The following TMPRSS2 variants were observed in gnomAD, a reference collection of about 807,000 sequenced individuals.
TMPRSS2 encodes the protein transmembrane serine protease 2.
A neutral mutation model predicts 67.4 loss-of-function variants in TMPRSS2; 59 were observed. That is an observed-to-expected ratio of 0.88 (90% CI 0.71 to 1.09). The LOEUF (loss-of-function observed/expected upper bound fraction) is 1.09. TMPRSS2 is among the 50% of genes least tolerant of loss of function. The pLI, the probability that TMPRSS2 is intolerant of heterozygous loss-of-function variation, is 0.00. For synonymous variants in TMPRSS2, 257 were observed against 257.0 expected (o/e 1.00, Z 0.00); for missense variants, 668 against 642.7 (o/e 1.04, Z -0.43).
chr21:41,473,617 G>A (rs2146432250), intron 8 of TMPRSS2, 121 bp from the exon 9 acceptor site: 1 of 1,153,072 alleles, frequency 8.7e-7, no homozygotes, highest in Admixed American at 2.5e-5. Flanking sequence ...ACCACTGCTG[G>A]GGATGGACTT....
At chr21:41,495,822 G>GCCAGGGCAAACCCACC (rs1035023694) in intron 2 of TMPRSS2, among the ~76,000 whole-genome samples, 2 of 151,676 alleles carry the variant, frequency 1.3e-5, no homozygotes, top group Non-Finnish European at 2.9e-5. Context: ...AACCACACAA[G>GCCAGGGCAAACCCACC]CCAGGGCAAA....
At chr21:41,503,411 G>A (rs1384798760) in intron 1 of TMPRSS2, among the ~76,000 whole-genome samples, 1 of 152,226 alleles carries the variant, frequency 6.6e-6, no homozygotes, top group African/African-American at 2.4e-5. Context: ...CAGAAATAGG[G>A]TTGTTGCAGG....
intron 2 of TMPRSS2, 144 bp from the exon 3 acceptor site, chr21:41,494,722 C>T (rs1215065258): frequency 2.4e-6 from 2 of 819,128 alleles, no homozygotes; most frequent in African/African-American, 3.4e-5. Context: ...AATATGCATC[C>T]TGTCTATACA....
intron 1 of TMPRSS2, among the ~76,000 whole-genome samples, chr21:41,504,019 C>T (rs1222006100): frequency 6.6e-6 from 1 of 152,266 alleles, no homozygotes; most frequent in Non-Finnish European, 1.5e-5. Flanking sequence ...GAATTTGACA[C>T]TGCATTGTGC....
intron 2 of TMPRSS2, among the ~76,000 whole-genome samples, chr21:41,494,935 G>A (rs2091369831): frequency 6.6e-6 from 1 of 152,050 alleles, no homozygotes; most frequent in Non-Finnish European, 1.5e-5. Context: ...TGGGTATGAT[G>A]GTGGGCGCCT....
chr21:41,474,257 A>G (rs111220492), intron 8 of TMPRSS2, among the ~76,000 whole-genome samples: 354 of 1,990 alleles, frequency 0.18, 106 homozygotes, highest in Middle Eastern at 0.5. Flanking sequence ...GGGGATGAGC[A>G]AGGAGGTGAA....
chr21:41,488,631 C>G, intron 4 of TMPRSS2, 118 bp from the exon 5 acceptor site: 1 of 1,196,068 alleles, frequency 8.4e-7, no homozygotes, highest in South Asian at 1.5e-5. Context: ...CCTGGCCCCA[C>G]TGTGTTTTGT....
chr21:41,470,654 C>T lies in TMPRSS2; in HGVS notation c.1165G>A (p.Glu389Lys). 1 of 1,613,352 alleles carries T rather than the reference C, an allele frequency of 6.2e-7. No individual in the cohort carries two copies. Among genetic ancestry groups the T allele is most frequent in the Non-Finnish European group, 8.5e-7 (1 of 1,179,906 alleles). Residue 389 changes from glutamate (E) to lysine (K), a missense_variant, in exon 11 of 14, where the codon GAG becomes AAG. Coordinates refer to ENST00000332149, the MANE Select transcript of TMPRSS2 (RefSeq NM_005656.4). ...CWISGWGATE[E>K]KGKTSEVLNA... is the part of the protein sequence containing the mutation. ...TGCCCAGGAGCAGCCTCACCTTTCT[C>T]CTCGGTGGCCCCCCACCCGGAAATC...
rs1297557207 is a variant in TMPRSS2 at position 41,478,415 on chromosome 21, A to C, written c.683+757T>G. Among the ~76,000 whole-genome samples, 3 of 152,232 alleles carry C rather than the reference A, an allele frequency of 2.0e-5. No individual in the cohort carries two copies. The East Asian group carries it at 5.8e-4, about 29-fold the overall frequency. On this transcript the variant is annotated intron_variant, in intron 7 of 13. Transcript: ENST00000332149. This position sits in a 1 kb window ranked among gnomAD's most constrained non-coding sequence, Gnocchi z 4.0. ...ATAAGCCCTGGGGACCTGGGAGGCAAGGAGAGCTCATGGGCAAAGGACACT... is the reference window on the plus strand; with the variant it reads ...ATAAGCCCTGGGGACCTGGGAGGCACGGAGAGCTCATGGGCAAAGGACACT...
At position 41,488,377 on chromosome 21, in the gene TMPRSS2, G is replaced by A; in HGVS notation, c.445+17C>T. The A allele has an allele frequency of 6.2e-7, 1 of 1,608,910 alleles. No homozygotes were observed. Among genetic ancestry groups the A allele is most frequent in the Non-Finnish European group, 8.5e-7 (1 of 1,176,780 alleles). ...GGTGAGCAGAGGAGTCCCTTCCCAA[G>A]GTCAAGGCTGACTCACCACACCGAT... On this transcript the variant is annotated intron_variant, in intron 5 of 13. Transcript: ENST00000332149.
intron 8 of TMPRSS2, 48 bp from the exon 9 acceptor site, chr21:41,473,544 G>A (rs756848444): frequency 9.6e-6 from 15 of 1,555,232 alleles, no homozygotes; most frequent in Admixed American, 5.6e-5. Flanking sequence ...AGCAGAAGCC[G>A]CCCAGCCACC....
intron 5 of TMPRSS2, among the ~76,000 whole-genome samples, chr21:41,485,882 C>T (rs1043408573): frequency 2.0e-5 from 3 of 152,182 alleles, no homozygotes; most frequent in East Asian, 1.9e-4. Flanking sequence ...TGCTCAAGGC[C>T]GGCACGAGGG....
chr21:41,471,710 T>G lies in TMPRSS2; in HGVS notation c.1075+96A>C, dbSNP rs1231348895. 2.1e-6 allele frequency: 3 copies of G among 1,411,826 alleles called. No individual in the cohort carries two copies. In the African/African-American group the frequency reaches 4.3e-5, roughly 20 times the overall value. 87.5% of individuals were successfully genotyped at this position (1,411,826 alleles called of 1,614,324 possible). A position where few individuals can be genotyped will look rare whatever the true frequency, so the allele number is the denominator to read the frequency against. ...GCACGCTACCCTCGCTCAACGCAAA[T>G]GCCTCCCTTCCATTTGGCATAGCAC... On this transcript the variant is annotated intron_variant, in intron 10 of 13. Transcript: ENST00000332149.
At chr21:41,492,509 G>A (rs185726773) in intron 3 of TMPRSS2, among the ~76,000 whole-genome samples, 26 of 152,272 alleles carry the variant, frequency 1.7e-4, no homozygotes, top group African/African-American at 5.8e-4. Context: ...CAATAACTGG[G>A]AGAAGAGTTT....
At chr21:41,467,257 C>T (rs1332177800) in intron 13 of TMPRSS2, among the ~76,000 whole-genome samples, 4 of 151,954 alleles carry the variant, frequency 2.6e-5, no homozygotes, top group Non-Finnish European at 5.9e-5. Context: ...GGCGTGGTGG[C>T]GCATGCCTGT....
Position 41,479,250 on chromosome 21 carries a change from T to C in TMPRSS2, c.605A>G (p.Asp202Gly). ...NNFYSSQGIVDDSGSTSFMKL... is the reference protein window; with the variant it reads ...NNFYSSQGIVGDSGSTSFMKL... ...CATAAAGCTGGTGGATCCGCTGTCATCCACTATTCCTTGGCTAGAGTAAAA... is the reference window on the plus strand; with the variant it reads ...CATAAAGCTGGTGGATCCGCTGTCACCCACTATTCCTTGGCTAGAGTAAAA... Residue 202 changes from aspartate to glycine, a missense_variant, in exon 7 of 14, where the codon GAT becomes GGT. Transcript: ENST00000332149. The C allele has an allele frequency of 6.2e-7, 1 of 1,614,006 alleles. No homozygotes were observed. The highest frequency in any genetic ancestry group is 8.5e-7 in the Non-Finnish European group (1 of 1,179,988).
chr21:41,479,888 G>A (rs875393), intron 6 of TMPRSS2, among the ~76,000 whole-genome samples: 7,705 of 152,062 alleles, frequency 0.051, 374 homozygotes, highest in East Asian at 0.2. Context: ...GGTAACCACC[G>A]CCCCACCCCC....
At chr21:41,473,558 C>A (rs1340186628) in intron 8 of TMPRSS2, 62 bp from the exon 9 acceptor site, 1 of 1,515,700 alleles carries the variant, frequency 6.6e-7, no homozygotes, top group Non-Finnish European at 8.9e-7. Flanking sequence ...AGCCACCCAG[C>A]GCCCGCCCCT....
intron 1 of TMPRSS2, among the ~76,000 whole-genome samples, chr21:41,505,417 C>G (rs1473736744): frequency 6.6e-6 from 1 of 152,218 alleles, no homozygotes; most frequent in African/African-American, 2.4e-5. Context: ...AGGGGGACAA[C>G]ACACTCGGAT....
Sources: gnomAD v4.1 joint callset for allele counts (sites outside exome capture counted in the v4.1 genomes callset) on GRCh38, gnomAD v4.1.1 for gene constraint, Gnocchi (gnomAD v3.1) non-coding constraint, MANE v1.5 for transcripts, NCBI Gene and HGNC (gene_info 2026-07-23, HGNC 2026-07-21) for gene names.